QTGAL: variants seen among roughly 807,000 people sequenced by gnomAD.
QTGAL encodes BGnT-like protein 1.
chr17:82,944,428 C>T, the QTGAL span: 1 of 152,136 alleles, frequency 6.6e-6, no homozygotes, highest in Non-Finnish European at 1.5e-5. Flanking sequence ...CTGGGGCAGA[C>T]AATAGCAAAT....
the QTGAL span, among the ~76,000 whole-genome samples, chr17:82,967,986 TA>T: frequency 6.6e-6 from 1 of 151,902 alleles, no homozygotes; most frequent in Non-Finnish European, 1.5e-5. Flanking sequence ...CAGTACCAAG[TA>T]AAAATCTTAC....
At chr17:83,044,349 G>A in the QTGAL span, among the ~76,000 whole-genome samples, 5 of 152,088 alleles carry the variant, frequency 3.3e-5, no homozygotes, top group East Asian at 3.9e-4. Context: ...ATCAATCAAC[G>A]TAACATACCA....
At chr17:82,965,434 C>G in the QTGAL span, among the ~76,000 whole-genome samples, 12 of 151,902 alleles carry the variant, frequency 7.9e-5, no homozygotes, top group African/African-American at 2.9e-4. Context: ...AGGGCACCCA[C>G]AGCCTTCATG....
the QTGAL span, among the ~76,000 whole-genome samples, chr17:83,039,589 G>A: frequency 7.2e-6 from 1 of 139,642 alleles, no homozygotes; most frequent in African/African-American, 2.7e-5. Context: ...ACTGCTGGGC[G>A]CCCACCGCCC....
chr17:83,002,477 C>CT, the QTGAL span, among the ~76,000 whole-genome samples: 2 of 152,220 alleles, frequency 1.3e-5, no homozygotes, highest in Non-Finnish European at 2.9e-5. Context: ...CAGCAACTCA[C>CT]TCACAGTGTG....
the QTGAL span, among the ~76,000 whole-genome samples, chr17:83,002,261 G>A: frequency 2.0e-5 from 3 of 152,166 alleles, no homozygotes; most frequent in Non-Finnish European, 2.9e-5. Context: ...CATGGCCTCC[G>A]GGGAACCCGC....
At chr17:82,998,369 G>A in the QTGAL span, among the ~76,000 whole-genome samples, 2 of 152,066 alleles carry the variant, frequency 1.3e-5, no homozygotes, top group Non-Finnish European at 2.9e-5. Context: ...GTTTTGAGAC[G>A]GAGTTTCACT....
At chr17:83,015,761 C>T in the QTGAL span, among the ~76,000 whole-genome samples, 2 of 152,208 alleles carry the variant, frequency 1.3e-5, no homozygotes, top group African/African-American at 2.4e-5. This position sits in a 1 kb window ranked among gnomAD's most constrained non-coding sequence, Gnocchi z 4.4. Context: ...AGCGCAAACC[C>T]TACTGTGAAC....
chr17:82,973,254 T>C, the QTGAL span, among the ~76,000 whole-genome samples: 22 of 151,770 alleles, frequency 1.4e-4, no homozygotes, highest in African/African-American at 4.8e-4. Context: ...GGAGGACGAG[T>C]AGACACAAAG....
chr17:83,038,685 C>T, the QTGAL span, among the ~76,000 whole-genome samples: 1 of 152,068 alleles, frequency 6.6e-6, no homozygotes, highest in African/African-American at 2.4e-5. Context: ...GGTGAAACCC[C>T]ATCTCTACTA....
At chr17:82,997,175 A>G in the QTGAL span, among the ~76,000 whole-genome samples, 8 of 152,068 alleles carry the variant, frequency 5.3e-5, no homozygotes, top group African/African-American at 1.9e-4. Flanking sequence ...ACCAGAACAT[A>G]TACAGAGCTC....
chr17:83,035,959 C>A, the QTGAL span, among the ~76,000 whole-genome samples: 1 of 134,522 alleles, frequency 7.4e-6, no homozygotes, highest in African/African-American at 3.0e-5. Context: ...GGTCACTGGG[C>A]TGGACGCGTG....
the QTGAL span, among the ~76,000 whole-genome samples, chr17:82,988,882 G>A: frequency 3.9e-5 from 6 of 152,158 alleles, no homozygotes; most frequent in Non-Finnish European, 7.4e-5. Flanking sequence ...GGAGAAGTAG[G>A]GATGCTTTTA....
At chr17:82,960,735 A>G in the QTGAL span, among the ~76,000 whole-genome samples, 2 of 152,150 alleles carry the variant, frequency 1.3e-5, no homozygotes, top group Non-Finnish European at 2.9e-5. Context: ...GACCCCACTC[A>G]TGAGACTCCC....
the QTGAL span, among the ~76,000 whole-genome samples, chr17:82,986,851 C>T: frequency 1.1e-4 from 17 of 152,234 alleles, no homozygotes; most frequent in African/African-American, 4.1e-4. Context: ...CCCACAACCT[C>T]GCTATTAGAG....
At chr17:83,024,724 C>T in the QTGAL span, among the ~76,000 whole-genome samples, 3 of 152,332 alleles carry the variant, frequency 2.0e-5, no homozygotes, top group South Asian at 6.2e-4. Flanking sequence ...GGTAAGGGGC[C>T]TGAGGGTCAT....
At chr17:83,022,182 A>C in the QTGAL span, among the ~76,000 whole-genome samples, 1 of 152,264 alleles carries the variant, frequency 6.6e-6, no homozygotes, top group Admixed American at 6.5e-5. Flanking sequence ...TTTTTCTTTA[A>C]GTGATAAAAT....
chr17:82,946,117 A>T, the QTGAL span, among the ~76,000 whole-genome samples: 1 of 152,238 alleles, frequency 6.6e-6, no homozygotes, highest in Admixed American at 6.5e-5. Flanking sequence ...ACAAACAGTT[A>T]ATGTATGGGG....
chr17:83,005,099 G>T, the QTGAL span: 1 of 1,588,322 alleles, frequency 6.3e-7, no homozygotes, highest in Non-Finnish European at 8.6e-7. The surrounding 1 kb of genome is among the most constrained non-coding windows in gnomAD (Gnocchi z 5.6). Flanking sequence ...CCCAGACAAG[G>T]CGCCAGGCGA....
Sources: gnomAD v4.1 joint callset for allele counts (sites outside exome capture counted in the v4.1 genomes callset) on GRCh38, gnomAD v4.1.1 for gene constraint, Gnocchi (gnomAD v3.1) non-coding constraint, MANE v1.5 for transcripts, NCBI Gene and HGNC (gene_info 2026-07-23, HGNC 2026-07-21) for gene names.